Variants in ADGRL3 observed in about 807,000 individuals in gnomAD.
The protein encoded by ADGRL3 is adhesion G protein-coupled receptor L3.
A neutral mutation model predicts 153.5 loss-of-function variants in ADGRL3; 62 were observed. The ratio of observed to expected loss-of-function variants is 0.40; its 90% CI spans 0.33 to 0.50. The LOEUF (loss-of-function observed/expected upper bound fraction) is 0.50, where lower values mean the gene tolerates loss of function less well. Ranked by LOEUF, ADGRL3 falls within the 20% of genes least tolerant of loss-of-function variation. The probability of loss-of-function intolerance (pLI) is 0.47; values close to 1 mark genes in which losing one functional copy is unlikely to be tolerated. For synonymous variants in ADGRL3, 710 were observed against 672.5 expected (o/e 1.06, Z -0.86); for missense variants, 1,641 against 1,859.4 (o/e 0.88, Z 2.16).
chr4:61,842,422 A>G (rs1027420734), intron 9 of ADGRL3, among the ~76,000 whole-genome samples: 4 of 152,230 alleles, frequency 2.6e-5, no homozygotes, highest in African/African-American at 9.7e-5. Flanking sequence ...TAAAGGGACT[A>G]ATCTAAAAGG....
intron 1 of ADGRL3, among the ~76,000 whole-genome samples, chr4:61,299,310 A>G (rs2094509216): frequency 6.6e-6 from 1 of 152,132 alleles, no homozygotes; most frequent in African/African-American, 2.4e-5. Context: ...GCATTCATAG[A>G]ATTCCTTTAT....
intron 9 of ADGRL3, among the ~76,000 whole-genome samples, chr4:61,861,087 T>G (rs2098335749): frequency 6.6e-6 from 1 of 152,218 alleles, no homozygotes; most frequent in African/African-American, 2.4e-5. Context: ...TAGGATAGGT[T>G]CAGCAGAGCA....
intron 1 of ADGRL3, among the ~76,000 whole-genome samples, chr4:61,303,813 A>G (rs1353638113): frequency 6.6e-6 from 1 of 152,174 alleles, no homozygotes; most frequent in Admixed American, 6.6e-5. Context: ...ATTCTATTTT[A>G]TAAATACCAA....
chr4:61,216,595 A>G (rs1432365940), intron 1 of ADGRL3, among the ~76,000 whole-genome samples: 1 of 152,088 alleles, frequency 6.6e-6, no homozygotes, highest in Admixed American at 6.6e-5. Context: ...ATTAAATTGT[A>G]TTTAGTTCTA....
chr4:61,915,695 C>T (rs1388868312), intron 13 of ADGRL3, among the ~76,000 whole-genome samples: 2 of 152,134 alleles, frequency 1.3e-5, no homozygotes, highest in Non-Finnish European at 2.9e-5. Flanking sequence ...CATTGCACTA[C>T]CTCTCTTCCT....
chr4:61,305,041 A>G (rs1401502653), intron 1 of ADGRL3, among the ~76,000 whole-genome samples: 1 of 152,198 alleles, frequency 6.6e-6, no homozygotes, highest in Non-Finnish European at 1.5e-5. Context: ...TTAAATTGGA[A>G]GAGAAGACTG....
At chr4:61,339,297 C>T (rs73216328) in intron 1 of ADGRL3, among the ~76,000 whole-genome samples, 4,352 of 152,168 alleles carry the variant, frequency 0.029, 185 homozygotes, top group African/African-American at 0.097. Flanking sequence ...ATTAGGTGCT[C>T]AGGGGTGTAA....
intron 1 of ADGRL3, among the ~76,000 whole-genome samples, chr4:61,369,579 C>T (rs1338580217): frequency 1.3e-5 from 2 of 152,090 alleles, no homozygotes; most frequent in African/African-American, 4.8e-5. Context: ...AGGGATGAAG[C>T]CCACTTGATC....
In ADGRL3 at chr4:61,449,987, T is replaced by C. The variant is rs186628766; in HGVS notation, c.-173-47134T>C. ...ATATTCTACTAATTTGAAATAATAA[T>C]GATTGACTTATTTTGAGTTTTGTTT... On this transcript the variant is annotated intron_variant, in intron 2 of 26. Coordinates refer to ENST00000683033, the MANE Select transcript of ADGRL3 (RefSeq NM_001387552.1). Among the ~76,000 whole-genome samples, 12 of 152,328 alleles carry C rather than the reference T, an allele frequency of 7.9e-5. No homozygotes were observed. The East Asian group carries it at 2.1e-3, about 27-fold the overall frequency.
chr4:61,775,081 A>G (rs371517866), intron 8 of ADGRL3, among the ~76,000 whole-genome samples: 59 of 152,202 alleles, frequency 3.9e-4, no homozygotes, highest in East Asian at 7.7e-4. Flanking sequence ...TCTATTTCCA[A>G]TTGTCTTCAG....
At chr4:61,907,250 C>CTATT (rs760850710) in intron 11 of ADGRL3, among the ~76,000 whole-genome samples, 5 of 151,744 alleles carry the variant, frequency 3.3e-5, no homozygotes, top group South Asian at 4.2e-4. Flanking sequence ...TATATTTTTT[C>CTATT]TATTTATTTA....
intron 1 of ADGRL3, among the ~76,000 whole-genome samples, chr4:61,232,305 T>C (rs2149202305): frequency 8.4e-6 from 1 of 119,454 alleles, no homozygotes; most frequent in East Asian, 2.6e-4. Flanking sequence ...ACCAACAATG[T>C]CACTTCATTT....
chr4:61,671,181 C>T (rs1429562133), intron 5 of ADGRL3, among the ~76,000 whole-genome samples: 1 of 152,088 alleles, frequency 6.6e-6, no homozygotes, highest in Non-Finnish European at 1.5e-5. Context: ...GTAAATCCAG[C>T]AATATCATTT....
intron 1 of ADGRL3, among the ~76,000 whole-genome samples, chr4:61,375,475 TG>T (rs2096592490): frequency 6.6e-6 from 1 of 152,182 alleles, no homozygotes; most frequent in African/African-American, 2.4e-5. Context: ...AAGTATCATA[TG>T]AATCATCAAG....
chr4:61,275,704 T>C (rs2149876116), intron 1 of ADGRL3, among the ~76,000 whole-genome samples: 1 of 152,284 alleles, frequency 6.6e-6, no homozygotes, highest in Non-Finnish European at 1.5e-5. Context: ...CTTGACCCAT[T>C]TATATAACCT....
intron 2 of ADGRL3, among the ~76,000 whole-genome samples, chr4:61,404,927 C>T (rs1422607459): frequency 6.6e-6 from 1 of 151,862 alleles, no homozygotes; most frequent in Non-Finnish European, 1.5e-5. Flanking sequence ...GTTTAAAATG[C>T]ACATAAGAAT....
rs1234992473 is a variant in ADGRL3 at position 62,072,369 on chromosome 4, A to G, written c.*1461A>G. On this transcript the variant is annotated 3_prime_UTR_variant, in exon 27 of 27. Transcript: ENST00000683033. ...TTTTGTATGGTCTCAAAGTTGGATG[A>G]CCTCATTACTAATATTTGTTGTAAA... is the stretch of plus-strand genomic sequence containing the variant. 1.3e-5 allele frequency: 2 copies of G among 152,580 alleles called. No homozygotes were observed. Among genetic ancestry groups the G allele is most frequent in the East Asian group, 1.9e-4 (1 of 5,190 alleles). The allele number at this position is 152,580 out of a possible 1,614,324, so 9.5% of individuals were successfully genotyped here. A position where few individuals can be genotyped will look rare whatever the true frequency, so the allele number is the denominator to read the frequency against.
chr4:61,953,044 T>C (rs1353556318), intron 17 of ADGRL3, among the ~76,000 whole-genome samples: 1 of 152,186 alleles, frequency 6.6e-6, no homozygotes, highest in African/African-American at 2.4e-5. Context: ...CAACATGATT[T>C]TGGAATGTTA....
intron 1 of ADGRL3, among the ~76,000 whole-genome samples, chr4:61,300,792 G>C (rs1181847420): frequency 2.8e-5 from 4 of 141,560 alleles, no homozygotes; most frequent in Non-Finnish European, 6.1e-5. Context: ...TTGAGACAGA[G>C]TCTCGCTCTG....
Sources: gnomAD v4.1 joint callset for allele counts (sites outside exome capture counted in the v4.1 genomes callset) on GRCh38, gnomAD v4.1.1 for gene constraint, MANE v1.5 for transcripts, NCBI Gene and HGNC (gene_info 2026-07-23, HGNC 2026-07-21) for gene names.